The following GRIK2 variants were observed in gnomAD, a reference collection of about 807,000 sequenced individuals.
GRIK2 encodes glutamate ionotropic receptor kainate type subunit 2, also known as glutamate receptor ionotropic, kainate 2.
Under a neutral mutation model 100.3 loss-of-function variants are expected in GRIK2, and 32 were observed. That is an observed-to-expected ratio of 0.32 (90% CI 0.24 to 0.43). The LOEUF (loss-of-function observed/expected upper bound fraction) is 0.43, where lower values mean the gene tolerates loss of function less well. GRIK2 is among the 20% of genes least tolerant of loss of function. The pLI, the probability that GRIK2 is intolerant of heterozygous loss-of-function variation, is 1.00. For synonymous variants in GRIK2, 417 were observed against 389.4 expected (o/e 1.07, Z -0.83); for missense variants, 843 against 1,114.9 (o/e 0.76, Z 3.47).
chr6:101,411,803 C>A (rs1035569795), intron 2 of GRIK2, among the ~76,000 whole-genome samples: 1 of 152,074 alleles, frequency 6.6e-6, no homozygotes, highest in African/African-American at 2.4e-5. Flanking sequence ...ATCCACACAA[C>A]CAACCCCATA....
At chr6:101,974,661 C>T (rs1223053) in intron 14 of GRIK2, among the ~76,000 whole-genome samples, 3,523 of 151,974 alleles carry the variant, frequency 0.023, 73 homozygotes, top group South Asian at 0.073. Flanking sequence ...ACTGATTGGT[C>T]GAAGCTCATC....
intron 14 of GRIK2, among the ~76,000 whole-genome samples, chr6:102,001,425 C>T (rs1562101200): frequency 6.6e-6 from 1 of 151,578 alleles, no homozygotes; most frequent in Non-Finnish European, 1.5e-5. Context: ...TCTCATTGCT[C>T]AACTCCCGCT....
In GRIK2 at chr6:101,536,663, G is replaced by A. The variant is rs889799636; in HGVS notation, c.116-85286G>A. Among the ~76,000 whole-genome samples, 6 of 149,674 alleles carry A rather than the reference G, an allele frequency of 4.0e-5. 1 individual carries two copies. In the East Asian group the frequency reaches 7.8e-4, roughly 19 times the overall value. On this transcript the variant is annotated intron_variant, in intron 2 of 16. Transcript: ENST00000369134. ...TATAAAAGTAGTATTTGAAAAAAAT[G>A]TGATTTTACTTCTGGTTGCAAAATT... is the stretch of plus-strand genomic sequence containing the variant.
chr6:101,505,307 C>T (rs1029671012), intron 2 of GRIK2, among the ~76,000 whole-genome samples: 20 of 152,192 alleles, frequency 1.3e-4, no homozygotes, highest in African/African-American at 4.8e-4. Flanking sequence ...AAATGTTGCT[C>T]AAACTTATGT....
rs12214654 is a variant in GRIK2 at position 101,670,062 on chromosome 6, T to C, written c.542-6561T>C. ...GTATTTAAACTGTTCTCTAGACTGT[T>C]TCTGTCTGATTGAAATAGTAAGCCA... is the stretch of plus-strand genomic sequence containing the variant. On this transcript the variant is annotated intron_variant, in intron 4 of 16. Transcript: ENST00000369134. Among the ~76,000 whole-genome samples the C allele has an allele frequency of 4.4e-3, 673 of 152,224 alleles. 3 individuals are homozygous for C. The highest frequency in any genetic ancestry group is 6.6e-3 in the Non-Finnish European group (447 of 67,966).
chr6:101,690,642 C>G (rs1772026205), intron 7 of GRIK2, among the ~76,000 whole-genome samples: 2 of 151,982 alleles, frequency 1.3e-5, no homozygotes, highest in Admixed American at 1.3e-4. Context: ...ATTTGCCAAG[C>G]CTAAAAAGCC....
intron 2 of GRIK2, among the ~76,000 whole-genome samples, chr6:101,468,660 G>A (rs947499926): frequency 1.2e-4 from 19 of 152,120 alleles, no homozygotes; most frequent in Non-Finnish European, 2.4e-4. Context: ...AAACGGGTAC[G>A]ATATAGGTCA....
chr6:101,752,704 A>G (rs1335308199), intron 7 of GRIK2, among the ~76,000 whole-genome samples: 1 of 152,190 alleles, frequency 6.6e-6, no homozygotes, highest in African/African-American at 2.4e-5. Flanking sequence ...GCGTTATTCC[A>G]AAAACAAACA....
Position 102,000,819 on chromosome 6 carries a change from A to G in GRIK2, c.2086-34522A>G, listed in dbSNP as rs913133512. 1.6e-4 allele frequency among the ~76,000 whole-genome samples: 24 copies of G among 152,004 alleles called. 1 individual carries two copies. Among genetic ancestry groups the G allele is most frequent in the Admixed American group, 1.6e-3 (24 of 15,238 alleles). On this transcript the variant is annotated intron_variant, in intron 14 of 16. Transcript: ENST00000369134. ...AGTTTAAGCCTGATAAATTTTACTG[A>G]CATTTTGAAAGAGTCAGATTTAGAT...
intron 11 of GRIK2, among the ~76,000 whole-genome samples, chr6:101,878,545 A>G (rs1421003474): frequency 1.3e-5 from 2 of 151,914 alleles, no homozygotes. Context: ...TACCTCACAA[A>G]TTTATTACTA....
chr6:101,621,350 G>A (rs543995982), intron 2 of GRIK2, among the ~76,000 whole-genome samples: 17 of 152,096 alleles, frequency 1.1e-4, no homozygotes, highest in Non-Finnish European at 1.9e-4. Flanking sequence ...CTACTGGGGA[G>A]GCTGAGGTGA....
intron 2 of GRIK2, among the ~76,000 whole-genome samples, chr6:101,619,583 G>A (rs894801439): frequency 2.6e-5 from 4 of 151,618 alleles, no homozygotes; most frequent in Non-Finnish European, 5.9e-5. Context: ...CATTTTGAAC[G>A]AAAAAAGTAG....
At chr6:102,055,193 T>C in intron 15 of GRIK2, 137 bp from the exon 16 acceptor site, 1 of 589,218 alleles carries the variant, frequency 1.7e-6, no homozygotes, top group Non-Finnish European at 3.0e-6. Flanking sequence ...TTTTTTCCAG[T>C]TGTTTTTCTC....
At chr6:101,623,889 G>A (rs1780301706) in intron 3 of GRIK2, among the ~76,000 whole-genome samples, 1 of 151,820 alleles carries the variant, frequency 6.6e-6, no homozygotes, top group Non-Finnish European at 1.5e-5. Flanking sequence ...GGAGGACACA[G>A]CAATACATAA....
At chr6:101,833,933 A>G (rs1310288071) in intron 10 of GRIK2, among the ~76,000 whole-genome samples, 1 of 152,124 alleles carries the variant, frequency 6.6e-6, no homozygotes, top group African/African-American at 2.4e-5. Flanking sequence ...TATGGTCTAA[A>G]GCAGTTTTTG....
intron 4 of GRIK2, among the ~76,000 whole-genome samples, chr6:101,655,797 G>A (rs895485239): frequency 2.5e-4 from 38 of 152,220 alleles, no homozygotes; most frequent in African/African-American, 8.2e-4. Flanking sequence ...TGCATGGGAA[G>A]GGGTGCTAAC....
intron 2 of GRIK2, among the ~76,000 whole-genome samples, chr6:101,434,571 A>T (rs1384885842): frequency 6.6e-6 from 1 of 152,126 alleles, no homozygotes; most frequent in African/African-American, 2.4e-5. Context: ...CTTGGGTAAA[A>T]TTTTATAGCT....
chr6:101,819,492 A>G (rs1025326806), intron 10 of GRIK2, among the ~76,000 whole-genome samples: 1 of 152,176 alleles, frequency 6.6e-6, no homozygotes, highest in Non-Finnish European at 1.5e-5. Flanking sequence ...TGAAAGTCAT[A>G]AAGTTTTTAA....
At chr6:102,033,964 A>C (rs187784911) in intron 14 of GRIK2, among the ~76,000 whole-genome samples, 1 of 151,554 alleles carries the variant, frequency 6.6e-6, no homozygotes, top group Non-Finnish European at 1.5e-5. Flanking sequence ...ATTAAAAAAA[A>C]ATGTTTGATG....
Sources: gnomAD v4.1 joint callset for allele counts (sites outside exome capture counted in the v4.1 genomes callset) on GRCh38, gnomAD v4.1.1 for gene constraint, MANE v1.5 for transcripts, NCBI Gene and HGNC (gene_info 2026-07-23, HGNC 2026-07-21) for gene names.